The following SPATA16 variants were observed in gnomAD, a reference collection of about 807,000 sequenced individuals.
SPATA16 encodes spermatogenesis-associated protein 16.
SPATA16 carries 36 observed loss-of-function variants against 63.3 expected under a neutral mutation model. The observed-to-expected ratio is 0.57, with a 90% CI of 0.44 to 0.75. SPATA16 has a LOEUF of 0.75. Among genes scored for constraint, SPATA16 ranks in the 30% least tolerant of loss-of-function variants. SPATA16 has a pLI of 0.00. For synonymous variants in SPATA16, 203 were observed against 216.7 expected, an observed-to-expected ratio of 0.94 and a Z score of 0.56; for missense variants, 646 against 679.3, an observed-to-expected ratio of 0.95 and a Z score of 0.54.
At chr3:172,970,714 A>C (rs1261124446) in intron 5 of SPATA16, among the ~76,000 whole-genome samples, 1 of 152,218 alleles carries the variant, frequency 6.6e-6, no homozygotes. Flanking sequence ...ACTAAGAGAA[A>C]TGTTCAGATG....
At chr3:172,925,120 C>A (rs1732696901) in intron 7 of SPATA16, among the ~76,000 whole-genome samples, 1 of 151,838 alleles carries the variant, frequency 6.6e-6, no homozygotes, top group Non-Finnish European at 1.5e-5. Flanking sequence ...GCATTGATGA[C>A]TGCGGTGGGT....
intron 1 of SPATA16, among the ~76,000 whole-genome samples, chr3:173,138,342 A>G (rs774330580): frequency 2.0e-4 from 31 of 152,142 alleles, no homozygotes; most frequent in Non-Finnish European, 3.8e-4. Context: ...TTAAGCTAAG[A>G]TGTGGAGCTA....
chr3:172,934,835 A>C (rs1732944333), intron 6 of SPATA16, among the ~76,000 whole-genome samples: 1 of 152,196 alleles, frequency 6.6e-6, no homozygotes, highest in Admixed American at 6.5e-5. Flanking sequence ...CTTGATATAT[A>C]GATATTAGAT....
chr3:173,070,416 T>C (rs1346457342), intron 2 of SPATA16, among the ~76,000 whole-genome samples: 3 of 145,292 alleles, frequency 2.1e-5, no homozygotes, highest in African/African-American at 7.6e-5. Flanking sequence ...AAAAAAAAGA[T>C]GCCTACTTTC....
intron 4 of SPATA16, among the ~76,000 whole-genome samples, chr3:172,986,080 T>A (rs1158254608): frequency 6.6e-6 from 1 of 152,200 alleles, no homozygotes. Context: ...TTGGGAACAA[T>A]CCAGGGTTAT....
intron 2 of SPATA16, among the ~76,000 whole-genome samples, chr3:173,096,676 T>C (rs1020538642): frequency 6.6e-6 from 1 of 152,092 alleles, no homozygotes; most frequent in Non-Finnish European, 1.5e-5. Context: ...AATTTAGCAA[T>C]ATTTATTGAA....
At chr3:173,135,053 G>A (rs970152820) in intron 1 of SPATA16, among the ~76,000 whole-genome samples, 1 of 152,158 alleles carries the variant, frequency 6.6e-6, no homozygotes, top group African/African-American at 2.4e-5. Flanking sequence ...GAAAATATCT[G>A]TAGTACATAT....
intron 6 of SPATA16, among the ~76,000 whole-genome samples, chr3:172,943,901 A>G (rs746741682): frequency 5.9e-5 from 9 of 152,234 alleles, no homozygotes; most frequent in African/African-American, 9.6e-5. Flanking sequence ...AACAAAGAGC[A>G]CAAACATGCA....
At chr3:173,033,980 C>T (rs1577141695) in intron 3 of SPATA16, among the ~76,000 whole-genome samples, 1 of 152,156 alleles carries the variant, frequency 6.6e-6, no homozygotes, top group African/African-American at 2.4e-5. Context: ...GCTGGGATTA[C>T]AGGAGTGAGC....
chr3:172,975,262 C>T lies in SPATA16; in HGVS notation c.933+1706G>A, dbSNP rs930759214. Among the ~76,000 whole-genome samples, 8 of 152,204 alleles carry T rather than the reference C, an allele frequency of 5.3e-5. No individual in the cohort carries two copies. In the East Asian group the frequency reaches 9.6e-4, roughly 18 times the overall value. ...CATGGTCAGACAAAATTTTTATTTA[C>T]GAAACTTCCAAGGTCTTACTTTGTC... On this transcript the variant is annotated intron_variant, in intron 5 of 10. Transcript: ENST00000351008.
At chr3:173,028,702 TA>T (rs1285015984) in intron 3 of SPATA16, among the ~76,000 whole-genome samples, 1 of 152,020 alleles carries the variant, frequency 6.6e-6, no homozygotes, top group African/African-American at 2.4e-5. Context: ...TATGATAATA[TA>T]ATAGAGCTAC....
At chr3:173,055,952 ATTCC>A (rs1366118734) in intron 2 of SPATA16, among the ~76,000 whole-genome samples, 13 of 152,342 alleles carry the variant, frequency 8.5e-5, no homozygotes, top group East Asian at 1.9e-4. Flanking sequence ...ATTTAATTTT[ATTCC>A]TTCCTTTATT....
chr3:172,967,903 C>A (rs1733954559), intron 5 of SPATA16, among the ~76,000 whole-genome samples: 1 of 152,188 alleles, frequency 6.6e-6, no homozygotes, highest in Admixed American at 6.5e-5. Flanking sequence ...ATAATTATTT[C>A]ATTATGTATC....
intron 2 of SPATA16, among the ~76,000 whole-genome samples, chr3:173,078,870 AC>A (rs1172103524): frequency 6.6e-6 from 1 of 152,136 alleles, no homozygotes; most frequent in Non-Finnish European, 1.5e-5. Context: ...AACCTTTATG[AC>A]TGCTTTCTGT....
intron 5 of SPATA16, among the ~76,000 whole-genome samples, chr3:172,966,687 C>A (rs1022205760): frequency 2.0e-5 from 3 of 152,122 alleles, no homozygotes; most frequent in Non-Finnish European, 2.9e-5. Flanking sequence ...GAAGAAAATA[C>A]AATCATATGA....
intron 2 of SPATA16, among the ~76,000 whole-genome samples, chr3:173,093,068 CACACACACAT>C (rs1336691027): frequency 3.3e-5 from 5 of 150,028 alleles, no homozygotes; most frequent in African/African-American, 9.8e-5. Flanking sequence ...CACACACACA[CACACACACAT>C]ATATATATAT....
chr3:172,931,621 A>C (rs1473732494), intron 6 of SPATA16, among the ~76,000 whole-genome samples: 1 of 152,234 alleles, frequency 6.6e-6, no homozygotes, highest in Non-Finnish European at 1.5e-5. Flanking sequence ...ATCTGAAAAC[A>C]TACATTCCCA....
intron 4 of SPATA16, among the ~76,000 whole-genome samples, chr3:172,995,533 AT>A (rs1734675912): frequency 6.6e-6 from 1 of 152,082 alleles, no homozygotes; most frequent in Non-Finnish European, 1.5e-5. Context: ...GATATAACGT[AT>A]AGAAAAAGAA....
At chr3:172,960,324 A>C (rs953945370) in intron 5 of SPATA16, among the ~76,000 whole-genome samples, 2 of 152,198 alleles carry the variant, frequency 1.3e-5, no homozygotes, top group East Asian at 1.9e-4. Context: ...GAAAATGGAG[A>C]AAACAATCAG....
Sources: gnomAD v4.1 joint callset for allele counts (sites outside exome capture counted in the v4.1 genomes callset) on GRCh38, gnomAD v4.1.1 for gene constraint, MANE v1.5 for transcripts, NCBI Gene and HGNC (gene_info 2026-07-23, HGNC 2026-07-21) for gene names.